Variants in LHFPL3 observed in about 807,000 individuals in gnomAD.
The protein encoded by LHFPL3 is LHFPL tetraspan subfamily member 3 protein.
LHFPL3 carries 5 observed loss-of-function variants against 19.3 expected under a neutral mutation model. That is an observed-to-expected ratio of 0.26 (90% CI 0.14 to 0.54). The LOEUF is 0.54. LHFPL3 is among the 20% of genes least tolerant of loss of function. LHFPL3 has a pLI of 0.94. For missense variants in LHFPL3, 249 were observed against 307.4 expected, an observed-to-expected ratio of 0.81 and a Z score of 1.42; for synonymous variants, 133 against 126.2, an observed-to-expected ratio of 1.05 and a Z score of -0.36.
intron 1 of LHFPL3, among the ~76,000 whole-genome samples, chr7:104,415,682 A>G (rs1791607015): frequency 6.6e-6 from 1 of 152,212 alleles, no homozygotes; most frequent in African/African-American, 2.4e-5. Flanking sequence ...CAGCTTTTCT[A>G]TTTAATGTGA....
At chr7:104,487,997 T>C (rs1054471563) in intron 1 of LHFPL3, among the ~76,000 whole-genome samples, 2 of 152,232 alleles carry the variant, frequency 1.3e-5, no homozygotes, top group Admixed American at 1.3e-4. Context: ...TGAATGGTCA[T>C]GAAGTCCATA....
At chr7:104,761,916 A>G (rs2116373088) in intron 2 of LHFPL3, among the ~76,000 whole-genome samples, 1 of 152,324 alleles carries the variant, frequency 6.6e-6, no homozygotes, top group East Asian at 1.9e-4. Flanking sequence ...AGGAAGGTGA[A>G]CAGATTTTTG....
chr7:104,881,550 C>T (rs539521462), intron 2 of LHFPL3, among the ~76,000 whole-genome samples: 1 of 152,282 alleles, frequency 6.6e-6, no homozygotes, highest in South Asian at 2.1e-4. Flanking sequence ...AATTCAAATA[C>T]ATGAGGAGTT....
chr7:104,534,867 A>G (rs1858778), intron 1 of LHFPL3, among the ~76,000 whole-genome samples: 61,696 of 151,970 alleles, frequency 0.41, 12,630 homozygotes, highest in Middle Eastern at 0.48. Flanking sequence ...TATATTTCTT[A>G]AATTGTAGTA....
At chr7:104,378,143 A>G (rs948148258) in intron 1 of LHFPL3, among the ~76,000 whole-genome samples, 10 of 152,130 alleles carry the variant, frequency 6.6e-5, no homozygotes, top group African/African-American at 2.4e-4. Flanking sequence ...TAGTAGGTGT[A>G]TGTATTTATG....
At chr7:104,834,019 T>C (rs1210346197) in intron 2 of LHFPL3, among the ~76,000 whole-genome samples, 1 of 149,932 alleles carries the variant, frequency 6.7e-6, no homozygotes, top group Non-Finnish European at 1.5e-5. Flanking sequence ...AGTCCGATGT[T>C]TGAGGGCAGG....
chr7:104,582,232 T>A (rs1210203505), intron 1 of LHFPL3, among the ~76,000 whole-genome samples: 1 of 151,990 alleles, frequency 6.6e-6, no homozygotes, highest in East Asian at 1.9e-4. Flanking sequence ...GACACTATTA[T>A]TAATAAAATT....
chr7:104,839,797 T>C (rs1791161682), intron 2 of LHFPL3, among the ~76,000 whole-genome samples: 1 of 152,220 alleles, frequency 6.6e-6, no homozygotes, highest in African/African-American at 2.4e-5. Flanking sequence ...GTTGGCTATA[T>C]TACTCATATT....
intron 1 of LHFPL3, among the ~76,000 whole-genome samples, chr7:104,628,646 G>A (rs1353100364): frequency 1.3e-5 from 2 of 152,202 alleles, no homozygotes; most frequent in Admixed American, 1.3e-4. Context: ...TGCATGTGCA[G>A]AATGGCTGGA....
At chr7:104,608,244 C>T (rs1362720201) in intron 1 of LHFPL3, among the ~76,000 whole-genome samples, 2 of 151,876 alleles carry the variant, frequency 1.3e-5, no homozygotes, top group Non-Finnish European at 2.9e-5. Context: ...TTGGAACCAA[C>T]CCAAATGTCC....
rs1015607173 is a variant in LHFPL3 at position 104,329,037 on chromosome 7, G to A, written c.258G>A (p.Arg86=). The A allele has an allele frequency of 1.9e-6, 3 of 1,613,932 alleles. No individual in the cohort carries two copies. The highest frequency in any genetic ancestry group is 1.6e-4 in the Middle Eastern group (1 of 6,084). ...FHYCIGNGFS[R]ELTCRGSFTD... The stretch of plus-strand genomic sequence containing the variant: ...ACTGCATCGGCAACGGCTTCTCCCG[G>A]GAGCTGACCTGCAGGGGCAGCTTCA... Residue 86 remains arginine (R), a synonymous_variant, in exon 1 of 3, where the codon CGG becomes CGA. Transcript: ENST00000424859.
At chr7:104,736,613 T>C in intron 1 of LHFPL3, 62 bp from the exon 2 acceptor site, 1 of 1,094,590 alleles carries the variant, frequency 9.1e-7, no homozygotes, top group Non-Finnish European at 1.3e-6. Flanking sequence ...AAACATTTGC[T>C]AAGTTAAAAT....
chr7:104,764,870 T>G (rs1157767496), intron 2 of LHFPL3, among the ~76,000 whole-genome samples: 3 of 152,250 alleles, frequency 2.0e-5, no homozygotes, highest in African/African-American at 7.2e-5. Context: ...TGTCCCACTT[T>G]ATTGGCAAGA....
chr7:104,494,959 A>G (rs1297253312), intron 1 of LHFPL3, among the ~76,000 whole-genome samples: 2 of 152,092 alleles, frequency 1.3e-5, no homozygotes, highest in Non-Finnish European at 2.9e-5. Flanking sequence ...CCATCCCTTG[A>G]ACACAACACA....
At chr7:104,737,083 A>G (rs144285569) in intron 2 of LHFPL3, among the ~76,000 whole-genome samples, 172 bp downstream of exon 2, 1 of 152,158 alleles carries the variant, frequency 6.6e-6, no homozygotes, top group Non-Finnish European at 1.5e-5. Context: ...AAGCTTACAC[A>G]ATAAAAATAT....
At chr7:104,467,545 C>T (rs528872350) in intron 1 of LHFPL3, among the ~76,000 whole-genome samples, 359 of 152,330 alleles carry the variant, frequency 2.4e-3, no homozygotes, top group Non-Finnish European at 3.7e-3. Flanking sequence ...GGCAAATTGA[C>T]TCTGGGGGAT....
At chr7:104,799,991 T>C (rs1390395269) in intron 2 of LHFPL3, 1 of 152,662 alleles carries the variant, frequency 6.6e-6, no homozygotes, top group Admixed American at 6.6e-5. Flanking sequence ...TCTTCTATTT[T>C]GTTCTTCCAG....
chr7:104,774,456 G>C (rs1794609524), intron 2 of LHFPL3, among the ~76,000 whole-genome samples: 1 of 152,020 alleles, frequency 6.6e-6, no homozygotes, highest in Admixed American at 6.5e-5. Context: ...ATAAACAATG[G>C]GTTCAGAATT....
chr7:104,824,869 CTAA>C (rs1372233046), intron 2 of LHFPL3, among the ~76,000 whole-genome samples: 6 of 129,004 alleles, frequency 4.7e-5, no homozygotes, highest in South Asian at 2.3e-4. Context: ...TATATATTAT[CTAA>C]TAATTATATA....
Sources: allele counts gnomAD v4.1 joint callset (sites outside exome capture counted in the v4.1 genomes callset), GRCh38; gene constraint gnomAD v4.1.1; transcripts MANE v1.5; gene names NCBI Gene and HGNC (gene_info 2026-07-23, HGNC 2026-07-21).